LOC128462377: variants seen among roughly 807,000 people sequenced by gnomAD.
At chr16:89,404,739 A>T in the LOC128462377 span, among the ~76,000 whole-genome samples, 1 of 152,256 alleles carries the variant, frequency 6.6e-6, no homozygotes, top group Non-Finnish European at 1.5e-5. Flanking sequence ...ACAGGCAGGG[A>T]CAGGCCCAGC....
At chr16:89,348,716 G>A in the LOC128462377 span, among the ~76,000 whole-genome samples, 1 of 152,034 alleles carries the variant, frequency 6.6e-6, no homozygotes, top group African/African-American at 2.4e-5. Context: ...CATCTCAGCT[G>A]TCTAATTTAT....
chr16:89,329,638 G>A, the LOC128462377 span, among the ~76,000 whole-genome samples: 1 of 152,066 alleles, frequency 6.6e-6, no homozygotes, highest in Non-Finnish European at 1.5e-5. Flanking sequence ...TAAAAAAACA[G>A]TATGAGGTAG....
the LOC128462377 span, among the ~76,000 whole-genome samples, chr16:89,404,304 C>T: frequency 1.3e-5 from 2 of 152,132 alleles, no homozygotes; most frequent in Non-Finnish European, 2.9e-5. Flanking sequence ...CTGAGAACAT[C>T]AACATCTGTG....
the LOC128462377 span, among the ~76,000 whole-genome samples, chr16:89,358,392 G>A: frequency 2.6e-5 from 4 of 152,184 alleles, no homozygotes; most frequent in Non-Finnish European, 4.4e-5. Context: ...TAGCGACCAC[G>A]TTTCAAAGAG....
chr16:89,416,771 A>C, the LOC128462377 span, among the ~76,000 whole-genome samples: 1 of 151,984 alleles, frequency 6.6e-6, no homozygotes, highest in African/African-American at 2.4e-5. Context: ...TTCTACAAAA[A>C]AAAAAAAAAA....
the LOC128462377 span, among the ~76,000 whole-genome samples, chr16:89,369,252 C>T: frequency 6.6e-6 from 1 of 152,380 alleles, no homozygotes; most frequent in Non-Finnish European, 1.5e-5. Context: ...CAGCGACCTA[C>T]ACCTAGGTAC....
chr16:89,366,795 A>T, the LOC128462377 span, among the ~76,000 whole-genome samples: 1 of 152,236 alleles, frequency 6.6e-6, no homozygotes, highest in East Asian at 1.9e-4. Flanking sequence ...GGGGGCACCC[A>T]GGGCAGGGGT....
At chr16:89,326,816 A>C in the LOC128462377 span, among the ~76,000 whole-genome samples, 668 of 152,332 alleles carry the variant, frequency 4.4e-3, 6 homozygotes, top group African/African-American at 0.016. Flanking sequence ...CAGTGCCCCA[A>C]AGCATCTCCT....
At chr16:89,392,243 G>A in the LOC128462377 span, 1 of 152,276 alleles carries the variant, frequency 6.6e-6, no homozygotes, top group African/African-American at 2.4e-5. Context: ...CCTTTCTGCA[G>A]AAGGTATAAA....
At chr16:89,414,975 C>G in the LOC128462377 span, among the ~76,000 whole-genome samples, 1 of 152,176 alleles carries the variant, frequency 6.6e-6, no homozygotes, top group Non-Finnish European at 1.5e-5. Flanking sequence ...GACAGGGTCT[C>G]ACCCTGCGGC....
the LOC128462377 span, among the ~76,000 whole-genome samples, chr16:89,322,057 C>T: frequency 1.3e-5 from 2 of 152,210 alleles, no homozygotes; most frequent in Non-Finnish European, 2.9e-5. Flanking sequence ...GTGTGACTGG[C>T]TTTATGTGGT....
chr16:89,381,331 CAAAAAAAAAAAAA>C, the LOC128462377 span, among the ~76,000 whole-genome samples: 3 of 76,354 alleles, frequency 3.9e-5, no homozygotes, highest in Non-Finnish European at 7.0e-5. Flanking sequence ...GACTCTGCTG[CAAAAAAAAAAAAA>C]AAAAAAAAAA....
chr16:89,320,528 C>A, the LOC128462377 span, among the ~76,000 whole-genome samples: 1 of 152,204 alleles, frequency 6.6e-6, no homozygotes, highest in Non-Finnish European at 1.5e-5. Flanking sequence ...CCCTGACCGC[C>A]CCCAGGCCAC....
At chr16:89,340,428 C>G in the LOC128462377 span, among the ~76,000 whole-genome samples, 1 of 152,210 alleles carries the variant, frequency 6.6e-6, no homozygotes, top group Non-Finnish European at 1.5e-5. Context: ...GCATGCGCCA[C>G]CATGCCTGGC....
the LOC128462377 span, among the ~76,000 whole-genome samples, chr16:89,363,241 T>C: frequency 6.6e-6 from 1 of 152,198 alleles, no homozygotes; most frequent in Admixed American, 6.5e-5. Context: ...TTTAAAATTT[T>C]TTCCTATACT....
At chr16:89,367,496 T>G in the LOC128462377 span, among the ~76,000 whole-genome samples, 1 of 152,198 alleles carries the variant, frequency 6.6e-6, no homozygotes, top group Non-Finnish European at 1.5e-5. Flanking sequence ...AGTGTACAGC[T>G]GCCATGGTCA....
the LOC128462377 span, among the ~76,000 whole-genome samples, chr16:89,357,195 G>A: frequency 1.3e-3 from 203 of 152,336 alleles, 1 homozygote; most frequent in Middle Eastern, 6.8e-3. Flanking sequence ...CTTCGAAGAT[G>A]AGTGGGGTTG....
the LOC128462377 span, among the ~76,000 whole-genome samples, chr16:89,377,921 G>T: frequency 6.6e-6 from 1 of 152,008 alleles, no homozygotes; most frequent in African/African-American, 2.4e-5. Context: ...GAAATGATGA[G>T]GATGAAGACC....
chr16:89,321,988 C>T, the LOC128462377 span, among the ~76,000 whole-genome samples: 37 of 152,302 alleles, frequency 2.4e-4, no homozygotes, highest in Admixed American at 6.5e-5. Context: ...AGTATTTTCA[C>T]GTCTCTAGTT....
Sources: allele counts gnomAD v4.1 joint callset (sites outside exome capture counted in the v4.1 genomes callset), GRCh38; gene constraint gnomAD v4.1.1; transcripts MANE v1.5.